The following PRRX1 variants were observed in gnomAD, a reference collection of about 807,000 sequenced individuals.
PRRX1 encodes paired related homeobox 1, also known as paired mesoderm homeobox protein 1.
A neutral mutation model predicts 24.0 loss-of-function variants in PRRX1; 8 were observed. The observed-to-expected ratio is 0.33, with a 90% CI of 0.20 to 0.60. The LOEUF (loss-of-function observed/expected upper bound fraction) is 0.60, where lower values mean the gene tolerates loss of function less well. Among genes scored for constraint, PRRX1 ranks in the 20% least tolerant of loss-of-function variants. The pLI is 0.82. For missense variants in PRRX1, 281 were observed against 322.4 expected, an observed-to-expected ratio of 0.87 and a Z score of 0.98; for synonymous variants, 160 against 131.7, an observed-to-expected ratio of 1.22 and a Z score of -1.47.
chr1:170,730,238 C>T, intron 3 of PRRX1: 1 of 1,514,762 alleles, frequency 6.6e-7, no homozygotes. Flanking sequence ...CTGCTGAACG[C>T]ATTTGGCTTA....
chr1:170,674,564 T>C (rs937952748), intron 1 of PRRX1, among the ~76,000 whole-genome samples: 1 of 152,238 alleles, frequency 6.6e-6, no homozygotes, highest in Admixed American at 6.5e-5. Flanking sequence ...TCAATTGTTT[T>C]CTAAATATTT....
intron 1 of PRRX1, among the ~76,000 whole-genome samples, chr1:170,709,431 T>C (rs1377245732): frequency 1.3e-5 from 2 of 152,126 alleles, no homozygotes. Flanking sequence ...GGGTGAGAAA[T>C]AATAGATCAG....
chr1:170,662,859 C>T (rs1652770708), upstream of PRRX1: 1 of 151,966 alleles, frequency 6.6e-6, no homozygotes, highest in South Asian at 2.1e-4. Context: ...GATTTTCCAA[C>T]AGGATCTTAA....
intron 2 of PRRX1, among the ~76,000 whole-genome samples, chr1:170,725,737 T>G (rs1030668325): frequency 6.6e-6 from 1 of 152,244 alleles, no homozygotes; most frequent in African/African-American, 2.4e-5. Flanking sequence ...CATTTCCTTC[T>G]TAAATCTTTG....
chr1:170,681,439 G>A (rs971636130), intron 1 of PRRX1, among the ~76,000 whole-genome samples: 5 of 151,404 alleles, frequency 3.3e-5, no homozygotes, highest in African/African-American at 1.2e-4. Context: ...GTACCTGACT[G>A]TGCTAGAATT....
chr1:170,728,641 G>A (rs1655329600), intron 3 of PRRX1: 2 of 152,082 alleles, frequency 1.3e-5, no homozygotes, highest in Admixed American at 6.6e-5. Context: ...TCTGTATGAA[G>A]AATAAATTAA....
rs922640205 is a variant in PRRX1 at position 170,664,398 on chromosome 1, T to C, written c.180T>C (p.Ala60=). Residue 60 remains alanine (A), a synonymous_variant, in exon 1 of 4, where the codon GCT becomes GCC. Coordinates refer to ENST00000239461, the MANE Select transcript of PRRX1 (RefSeq NM_022716.4). ...AAQADENVGE[A]GRSLLESPGL... is the part of the protein sequence containing the mutation. Reference sequence around the variant, plus strand: ...AGGCGGATGAGAACGTGGGCGAGGCTGGCCGGAGCCTGCTGGAGTCGCCGG... The same window carrying C: ...AGGCGGATGAGAACGTGGGCGAGGCCGGCCGGAGCCTGCTGGAGTCGCCGG... The C allele has an allele frequency of 6.2e-7, 1 of 1,612,848 alleles. No homozygotes were observed. Among genetic ancestry groups the C allele is most frequent in the Admixed American group, 1.7e-5 (1 of 59,930 alleles).
intron 1 of PRRX1, among the ~76,000 whole-genome samples, chr1:170,712,203 CA>C (rs1337938508): frequency 6.6e-6 from 1 of 151,490 alleles, no homozygotes; most frequent in African/African-American, 2.4e-5. Context: ...ATTTTTTTTC[CA>C]AAATTTGAAT....
intron 1 of PRRX1, among the ~76,000 whole-genome samples, chr1:170,695,194 C>A (rs576352594): frequency 6.6e-6 from 1 of 152,204 alleles, no homozygotes; most frequent in East Asian, 1.9e-4. Context: ...GAGAGGGTGC[C>A]CTTCCAAATC....
At chr1:170,684,420 T>C (rs1558047635) in intron 1 of PRRX1, among the ~76,000 whole-genome samples, 1 of 152,218 alleles carries the variant, frequency 6.6e-6, no homozygotes, top group East Asian at 1.9e-4. Context: ...TGGAATACTA[T>C]CAGAATAAAC....
In PRRX1 at chr1:170,738,752, T is replaced by C. The variant is rs1655703326; in HGVS notation, c.*2566T>C. On this transcript the variant is annotated 3_prime_UTR_variant, in exon 4 of 4. Transcript: ENST00000239461. ...TAGAGGGACATGTGAAACAAAATCATTTGAAATTTTGATTCAGACATCCAT... is the reference window on the plus strand; with the variant it reads ...TAGAGGGACATGTGAAACAAAATCACTTGAAATTTTGATTCAGACATCCAT... 8.8e-6 allele frequency: 2 copies of C among 227,368 alleles called. No individual in the cohort carries two copies. The highest frequency in any genetic ancestry group is 5.7e-5 in the Admixed American group (1 of 17,612). The allele number at this position is 227,368 out of a possible 1,614,324, so 14.1% of individuals were successfully genotyped here.
intron 1 of PRRX1, among the ~76,000 whole-genome samples, chr1:170,685,023 G>C (rs568991068): frequency 6.6e-6 from 1 of 152,322 alleles, no homozygotes; most frequent in Non-Finnish European, 1.5e-5. Context: ...CTTGGAACAA[G>C]AAAGGCAGTC....
At chr1:170,663,162 A>C (rs1487387669), upstream of PRRX1, 1 of 149,672 alleles carries the variant, frequency 6.7e-6, no homozygotes, top group Non-Finnish European at 1.5e-5. Flanking sequence ...TTTCTTAATC[A>C]GACTGTTTTT....
intron 1 of PRRX1, among the ~76,000 whole-genome samples, chr1:170,682,943 G>T (rs1174859994): frequency 3.9e-5 from 6 of 152,340 alleles, no homozygotes; most frequent in Admixed American, 3.9e-4. Flanking sequence ...AGGCCCTGAG[G>T]CAGGAACAAG....
chr1:170,675,549 A>G (rs1213956498), intron 1 of PRRX1, among the ~76,000 whole-genome samples: 1 of 152,128 alleles, frequency 6.6e-6, no homozygotes, highest in Non-Finnish European at 1.5e-5. Flanking sequence ...TACCTTTTAG[A>G]GGTATACGTA....
chr1:170,734,642 A>T (rs977612048), intron 3 of PRRX1, among the ~76,000 whole-genome samples: 7 of 147,050 alleles, frequency 4.8e-5, no homozygotes, highest in Non-Finnish European at 9.1e-5. Context: ...CTCCTGTGTC[A>T]GAACACATAC....
chr1:170,702,019 G>A (rs1273522567), intron 1 of PRRX1, among the ~76,000 whole-genome samples: 2 of 151,968 alleles, frequency 1.3e-5, no homozygotes, highest in Non-Finnish European at 1.5e-5. Flanking sequence ...GCGGGGGGAG[G>A]GGGCGAGAAT....
At chr1:170,668,562 CA>C (rs1653032710) in intron 1 of PRRX1, 2 of 152,206 alleles carry the variant, frequency 1.3e-5, no homozygotes, top group African/African-American at 4.8e-5. Context: ...ATCGATTTGT[CA>C]CAAAGGGAGA....
chr1:170,729,628 G>C (rs1023640829), intron 3 of PRRX1, among the ~76,000 whole-genome samples: 1 of 152,128 alleles, frequency 6.6e-6, no homozygotes, highest in Non-Finnish European at 1.5e-5. Flanking sequence ...AGCCAGGATT[G>C]TCCCTAGCAA....
Sources: allele counts gnomAD v4.1 joint callset (sites outside exome capture counted in the v4.1 genomes callset), GRCh38; gene constraint gnomAD v4.1.1; transcripts MANE v1.5; gene names NCBI Gene and HGNC (gene_info 2026-07-23, HGNC 2026-07-21).